APBB2: variants seen among roughly 807,000 people sequenced by gnomAD.
APBB2 encodes the protein amyloid beta precursor protein binding family B member 2.
A neutral mutation model predicts 82.5 loss-of-function variants in APBB2; 38 were observed. That is an observed-to-expected ratio of 0.46 (90% CI 0.36 to 0.60). The LOEUF (loss-of-function observed/expected upper bound fraction) is 0.60, where lower values mean the gene tolerates loss of function less well. APBB2 is among the 20% of genes least tolerant of loss of function. APBB2 has a pLI of 0.00. For synonymous variants in APBB2, 341 were observed against 368.2 expected, an observed-to-expected ratio of 0.93 and a Z score of 0.85; for missense variants, 772 against 972.3, an observed-to-expected ratio of 0.79 and a Z score of 2.74.
chr4:40,969,600 A>T (rs1291273299), intron 6 of APBB2, among the ~76,000 whole-genome samples: 1 of 152,236 alleles, frequency 6.6e-6, no homozygotes, highest in Non-Finnish European at 1.5e-5. Context: ...TGAATTCTGC[A>T]TCCCCATTTA....
At chr4:41,165,504 C>T (rs1476036151) in intron 1 of APBB2, among the ~76,000 whole-genome samples, 1 of 152,086 alleles carries the variant, frequency 6.6e-6, no homozygotes, top group African/African-American at 2.4e-5. Context: ...TATCTCTTTC[C>T]TCTGTTTCCT....
At chr4:41,206,995 C>T (rs896531710) in intron 1 of APBB2, among the ~76,000 whole-genome samples, 1 of 151,874 alleles carries the variant, frequency 6.6e-6, no homozygotes, top group African/African-American at 2.4e-5. Context: ...GTCAGGAGTT[C>T]GAGACCTGCT....
chr4:40,992,084 T>C (rs1469106953), intron 6 of APBB2, among the ~76,000 whole-genome samples: 1 of 152,160 alleles, frequency 6.6e-6, no homozygotes, highest in Non-Finnish European at 1.5e-5. Context: ...AAAAGCATCT[T>C]TGCTAACACT....
intron 10 of APBB2, among the ~76,000 whole-genome samples, chr4:40,903,821 G>A (rs377497345): frequency 1.3e-5 from 2 of 152,276 alleles, no homozygotes; most frequent in Non-Finnish European, 2.9e-5. Context: ...TGCAATAGCT[G>A]CTCTATGGAG....
In APBB2 at chr4:41,004,836, CAAAAAA is replaced by C. The variant is rs34941899; in HGVS notation, c.835+8741_835+8746del. On this transcript the variant is annotated intron_variant, in intron 6 of 17. Transcript: ENST00000508593. ...TGGGCGACACAGCGAGACCCCATCT[CAAAAAA>C]AAAAAAAAAAAAAAAAAGACTGGCA... Among the ~76,000 whole-genome samples the C allele has an allele frequency of 1.2e-4, 6 of 49,274 alleles. No homozygotes were observed. The East Asian group carries it at 2.8e-3, about 23-fold the overall frequency. 32.3% of individuals were successfully genotyped at this position (49,274 alleles called of 152,430 possible). A position where few individuals can be genotyped will look rare whatever the true frequency, so the allele number is the denominator to read the frequency against.
chr4:40,922,183 G>A (rs1021101603), intron 10 of APBB2, among the ~76,000 whole-genome samples: 1 of 152,224 alleles, frequency 6.6e-6, no homozygotes, highest in African/African-American at 2.4e-5. Flanking sequence ...TGAAGCAACA[G>A]AAATCCAACT....
Position 41,159,966 on chromosome 4 carries a change from GA to G in APBB2, c.-416-16825del, listed in dbSNP as rs1560913485. On this transcript the variant is annotated intron_variant, in intron 1 of 17. Coordinates refer to ENST00000508593, the MANE Select transcript of APBB2 (RefSeq NM_004307.2). ...AGGAGAAGGAGAAGGAGAAGGAGAA[GA>G]AGAAGAAGAAGAAGAAGAAGAAGAA... Among the ~76,000 whole-genome samples, 41 of 87,128 alleles carry G rather than the reference GA, an allele frequency of 4.7e-4. 1 individual carries two copies. The highest frequency in any genetic ancestry group is 7.1e-4 in the African/African-American group (16 of 22,592). The allele number at this position is 87,128 out of a possible 152,430, so 57.2% of individuals were successfully genotyped here. A position where few individuals can be genotyped will look rare whatever the true frequency, so the allele number is the denominator to read the frequency against.
Position 40,832,279 on chromosome 4 carries a change from C to T in APBB2, c.1530-1702G>A, listed in dbSNP as rs573934586. 6.6e-5 allele frequency among the ~76,000 whole-genome samples: 10 copies of T among 152,308 alleles called. No homozygotes were observed. The highest frequency in any genetic ancestry group is 2.6e-4 in the Admixed American group (4 of 15,298). The stretch of plus-strand genomic sequence containing the variant: ...TTTACTATAGCAGGCAACTGGCCAT[C>T]GTGAAGGTCTGGCCGGAAAACCCTG... On this transcript the variant is annotated intron_variant, in intron 12 of 17. Transcript: ENST00000508593. This position sits in a 1 kb window ranked among gnomAD's most constrained non-coding sequence, Gnocchi z 4.8.
At chr4:40,929,990 G>C (rs535458005) in intron 10 of APBB2, among the ~76,000 whole-genome samples, 5 of 151,250 alleles carry the variant, frequency 3.3e-5, no homozygotes, top group African/African-American at 1.2e-4. Context: ...GGAATTAGGA[G>C]TGACCAGGCC....
intron 6 of APBB2, among the ~76,000 whole-genome samples, chr4:41,013,297 T>C (rs913373071): frequency 1.3e-5 from 2 of 152,204 alleles, no homozygotes; most frequent in African/African-American, 4.8e-5. Context: ...AAGTGTAATT[T>C]CTAAATATAT....
At chr4:41,007,305 C>T (rs764843702) in intron 6 of APBB2, among the ~76,000 whole-genome samples, 3 of 151,730 alleles carry the variant, frequency 2.0e-5, no homozygotes, top group South Asian at 2.1e-4. Flanking sequence ...CTGCAGCAAA[C>T]GGCACTCACT....
chr4:41,115,613 A>T (rs997595558), intron 2 of APBB2, among the ~76,000 whole-genome samples: 2 of 152,338 alleles, frequency 1.3e-5, no homozygotes, highest in Non-Finnish European at 2.9e-5. Context: ...CAAGGAGCTT[A>T]AAAAAATTTC....
chr4:41,213,246 T>C lies in APBB2; in HGVS notation c.-417+1159A>G, dbSNP rs151030086. On this transcript the variant is annotated intron_variant, in intron 1 of 17. Coordinates refer to ENST00000508593, the MANE Select transcript of APBB2 (RefSeq NM_004307.2). ...TTCCTTGGAATTCAAACACCACCGA[T>C]GGCATCATTTTATGATAATCCTTTG... Among the ~76,000 whole-genome samples the C allele has an allele frequency of 2.5e-3, 379 of 152,286 alleles. 5 individuals carry two copies. The highest frequency in any genetic ancestry group is 8.8e-3 in the African/African-American group (365 of 41,552).
intron 12 of APBB2, among the ~76,000 whole-genome samples, chr4:40,870,715 G>A (rs924033992): frequency 6.6e-6 from 1 of 151,360 alleles, no homozygotes; most frequent in Non-Finnish European, 1.5e-5. Context: ...ATATATGTGT[G>A]TGTGTGTGTA....
intron 4 of APBB2, among the ~76,000 whole-genome samples, chr4:41,033,638 A>G (rs1717970895): frequency 6.8e-6 from 1 of 146,806 alleles, no homozygotes; most frequent in Admixed American, 6.8e-5. Flanking sequence ...GCACCACTAC[A>G]GAAAAAAAAA....
chr4:40,935,197 G>GAAAA, intron 7 of APBB2, 58 bp from the exon 8 acceptor site: 1 of 1,008,690 alleles, frequency 9.9e-7, no homozygotes, highest in East Asian at 3.0e-5. Flanking sequence ...AAAAAGAAAA[G>GAAAA]AAAAGAAAAA....
At chr4:40,869,970 G>C (rs2437324) in intron 12 of APBB2, among the ~76,000 whole-genome samples, 94,513 of 151,196 alleles carry the variant, frequency 0.63, 29,911 homozygotes, top group African/African-American at 0.71. Flanking sequence ...AATGAATATG[G>C]ACTACATTTC....
intron 12 of APBB2, among the ~76,000 whole-genome samples, chr4:40,867,157 C>T (rs1020853069): frequency 3.3e-5 from 5 of 152,176 alleles, no homozygotes; most frequent in Admixed American, 1.3e-4. Context: ...TCATTTATAT[C>T]GTGTCTGTAG....
chr4:41,174,665 C>T (rs1458079762), intron 1 of APBB2, among the ~76,000 whole-genome samples: 1 of 152,210 alleles, frequency 6.6e-6, no homozygotes, highest in Admixed American at 6.5e-5. Context: ...TGACTCGCTT[C>T]ATTGACCAAC....
Sources: gnomAD v4.1 joint callset for allele counts (sites outside exome capture counted in the v4.1 genomes callset) on GRCh38, gnomAD v4.1.1 for gene constraint, Gnocchi (gnomAD v3.1) non-coding constraint, MANE v1.5 for transcripts, NCBI Gene and HGNC (gene_info 2026-07-23, HGNC 2026-07-21) for gene names.